The following GLRA2 variants were observed in gnomAD, a reference collection of about 807,000 sequenced individuals.
GLRA2 encodes the protein glycine receptor subunit alpha-2.
A neutral mutation model predicts 31.6 loss-of-function variants in GLRA2; 11 were observed. The ratio of observed to expected loss-of-function variants is 0.35; its 90% confidence interval spans 0.22 to 0.58. The LOEUF (loss-of-function observed/expected upper bound fraction) is 0.58. GLRA2 is among the 20% of genes least tolerant of loss of function. The probability of loss-of-function intolerance (pLI) is 0.84; values close to 1 mark genes in which losing one functional copy is unlikely to be tolerated. For synonymous variants in GLRA2, 132 were observed against 134.0 expected, an observed-to-expected ratio of 0.99 and a Z score of 0.10; for missense variants, 212 against 351.8, an observed-to-expected ratio of 0.60 and a Z score of 3.18.
At chrX:14,543,360 T>C (rs1030755502) in intron 2 of GLRA2, among the ~76,000 whole-genome samples, 2 of 109,856 alleles carry the variant, frequency 1.8e-5, no homozygotes, top group Admixed American at 2.0e-4. Flanking sequence ...CTTTTGTAAA[T>C]TGTTGACTCA....
chrX:14,608,578 C>A (rs991171058), intron 6 of GLRA2, among the ~76,000 whole-genome samples: 1 of 109,492 alleles, frequency 9.1e-6, no homozygotes, highest in Admixed American at 9.9e-5. Context: ...ATAGTATATG[C>A]TATTAATATA....
intron 7 of GLRA2, among the ~76,000 whole-genome samples, chrX:14,651,071 C>T (rs989901091): frequency 1.8e-5 from 2 of 112,095 alleles, no homozygotes; most frequent in African/African-American, 6.5e-5. Context: ...TATATGTCAA[C>T]AGTCCAACTA....
intron 7 of GLRA2, among the ~76,000 whole-genome samples, chrX:14,686,547 T>A (rs1344055249): frequency 3.6e-5 from 4 of 111,988 alleles, no homozygotes; most frequent in Non-Finnish European, 7.5e-5. Flanking sequence ...CTTGTTGAAT[T>A]GATCCCTTTA....
At chrX:14,678,038 G>T (rs1422845055) in intron 7 of GLRA2, among the ~76,000 whole-genome samples, 1 of 111,906 alleles carries the variant, frequency 8.9e-6, no homozygotes, top group East Asian at 2.8e-4. Context: ...CTGCTCCCTG[G>T]TTGTGACAAT....
At chrX:14,620,459 C>T (rs1406367220) in intron 7 of GLRA2, among the ~76,000 whole-genome samples, 1 of 110,637 alleles carries the variant, frequency 9.0e-6, no homozygotes, top group Non-Finnish European at 1.9e-5. Flanking sequence ...AGAAAATTAG[C>T]ACCTTTTTCT....
chrX:14,452,627 A>G, the GLRA2 span, among the ~76,000 whole-genome samples: 1 of 112,273 alleles, frequency 8.9e-6, no homozygotes, highest in African/African-American at 3.2e-5. Flanking sequence ...GGAATGGGGA[A>G]GGTGTTACAG....
At chrX:14,608,955 C>T (rs2090368961) in intron 6 of GLRA2, 36 bp from the exon 7 acceptor site, 7 of 556,388 alleles carry the variant, frequency 1.3e-5, no homozygotes, top group Admixed American at 2.7e-5. Context: ...AATATAAATT[C>T]AGGCTGGACT....
the GLRA2 span, among the ~76,000 whole-genome samples, chrX:14,480,386 T>A: frequency 1.8e-5 from 2 of 111,892 alleles, no homozygotes; most frequent in Non-Finnish European, 3.8e-5. Flanking sequence ...CACTTGTCAA[T>A]TTTTGGTTTT....
the GLRA2 span, among the ~76,000 whole-genome samples, chrX:14,459,522 A>G: frequency 1.8e-5 from 2 of 110,633 alleles, no homozygotes; most frequent in East Asian, 2.8e-4. Flanking sequence ...ATGTTCTTCC[A>G]TTTGTTTGTA....
At chrX:14,558,824 A>AT (rs1285674935) in intron 2 of GLRA2, among the ~76,000 whole-genome samples, 1 of 108,954 alleles carries the variant, frequency 9.2e-6, no homozygotes, top group Non-Finnish European at 1.9e-5. Context: ...CTTTGTCTAG[A>AT]ATTTTTTTTT....
At chrX:14,589,352 C>A (rs989370540) in intron 4 of GLRA2, among the ~76,000 whole-genome samples, 2 of 109,461 alleles carry the variant, frequency 1.8e-5, no homozygotes, top group African/African-American at 6.7e-5. Context: ...TTTGCTTGAA[C>A]CTTCCTCAAA....
chrX:14,687,324 G>T lies in GLRA2; in HGVS notation c.931-3386G>T, dbSNP rs957417203. ...GAGGAGTATCTTTGTGGCATTCTCT[G>T]TATTTCCTGAATTTGAATGTTGGCC... On this transcript the variant is annotated intron_variant, in intron 7 of 8. Coordinates refer to ENST00000218075, the MANE Select transcript of GLRA2 (RefSeq NM_002063.4). Among the ~76,000 whole-genome samples the T allele has an allele frequency of 2.7e-5, 3 of 111,559 alleles. No homozygotes were observed. In the East Asian group the frequency reaches 8.4e-4, roughly 31 times the overall value.
intron 7 of GLRA2, among the ~76,000 whole-genome samples, chrX:14,621,592 C>T (rs867823572): frequency 5.4e-5 from 6 of 110,750 alleles, no homozygotes; most frequent in Non-Finnish European, 1.1e-4. Context: ...CAATTCCCAC[C>T]TATGAGTGAG....
At chrX:14,516,672 A>T in the GLRA2 span, among the ~76,000 whole-genome samples, 1 of 111,665 alleles carries the variant, frequency 9.0e-6, no homozygotes, top group East Asian at 2.8e-4. Context: ...TCCCAAGGCT[A>T]GGTCATATGA....
intron 8 of GLRA2, among the ~76,000 whole-genome samples, chrX:14,729,642 GA>G (rs2091967967): frequency 9.0e-6 from 1 of 111,383 alleles, no homozygotes; most frequent in Non-Finnish European, 1.9e-5. Flanking sequence ...TAAATGAGAT[GA>G]ACTAGAGGGC....
At chrX:14,639,533 T>A (rs1451699688) in intron 7 of GLRA2, among the ~76,000 whole-genome samples, 2 of 112,195 alleles carry the variant, frequency 1.8e-5, no homozygotes, top group African/African-American at 6.5e-5. Context: ...TTTTCTCTAT[T>A]CAGTGACAAT....
At chrX:14,460,958 C>T in the GLRA2 span, among the ~76,000 whole-genome samples, 2 of 111,296 alleles carry the variant, frequency 1.8e-5, no homozygotes, top group Admixed American at 9.6e-5. Flanking sequence ...GTTACAGTGT[C>T]GATTTTAGAT....
intron 8 of GLRA2, among the ~76,000 whole-genome samples, chrX:14,691,710 C>T (rs1291290878): frequency 8.9e-6 from 1 of 111,948 alleles, no homozygotes; most frequent in Non-Finnish European, 1.9e-5. Flanking sequence ...TTGGAAAGCA[C>T]TGTTCTGGTT....
intron 7 of GLRA2, among the ~76,000 whole-genome samples, chrX:14,620,591 A>G (rs1167158174): frequency 9.0e-6 from 1 of 110,997 alleles, no homozygotes; most frequent in Non-Finnish European, 1.9e-5. Flanking sequence ...GAGGCCATGA[A>G]CTCCAATCTG....
Sources: allele counts gnomAD v4.1 joint callset (sites outside exome capture counted in the v4.1 genomes callset), GRCh38; gene constraint gnomAD v4.1.1; transcripts MANE v1.5; gene names NCBI Gene and HGNC (gene_info 2026-07-23, HGNC 2026-07-21).